Variants in LY75 observed in about 807,000 individuals in gnomAD.
LY75 encodes C-type lectin domain family 13 member B.
In LY75, 185 loss-of-function variants were observed where a neutral mutation model predicts 231.7. The observed-to-expected ratio is 0.80, with a 90% CI of 0.71 to 0.90. The LOEUF (loss-of-function observed/expected upper bound fraction) is 0.90. LY75 is among the 40% of genes least tolerant of loss of function. The pLI, the probability that LY75 is intolerant of heterozygous loss-of-function variation, is 0.00. For missense variants in LY75, 1,947 were observed against 2,050.2 expected (o/e 0.95, Z 0.97); for synonymous variants, 668 against 689.0 (o/e 0.97, Z 0.48).
At position 159,882,234 on chromosome 2, in the gene LY75, C is replaced by T; in HGVS notation, c.1136G>A (p.Ser379Asn). ...NGFCYLLVNE[S>N]NSWDKAHAKC... ...CGCATGTGCCTTATCCCAGGAATTA[C>T]TTTCATTTACCAGCAGATAGCAAAA... The change falls in exon 7 of 35, where the codon AGT becomes AAT. Residue 379 changes from serine to asparagine, a missense_variant. Ser to Asn is a conservative substitution (Grantham distance 46). Transcript: ENST00000263636. 6.2e-7 allele frequency: 1 copy of T among 1,614,050 alleles called. No individual in the cohort carries two copies. The highest frequency in any genetic ancestry group is 1.1e-5 in the South Asian group (1 of 91,088).
At chr2:159,846,519 G>GA (rs1322680233) in intron 23 of LY75, among the ~76,000 whole-genome samples, 1 of 151,636 alleles carries the variant, frequency 6.6e-6, no homozygotes, top group Non-Finnish European at 1.5e-5. Context: ...CCCTGTGTCA[G>GA]AAAAAACAAC....
chr2:159,852,074 G>A, intron 21 of LY75, 127 bp downstream of exon 21: 1 of 1,349,944 alleles, frequency 7.4e-7, no homozygotes. Context: ...AGAGGGCCAG[G>A]TGGGATCCTG....
At position 159,872,153 on chromosome 2, in the gene LY75, C is replaced by T. The variant is rs905578178; in HGVS notation, c.2117+298G>A. ...ATTATACTCCCAGAAACACTCCCTCCCTCCTCTGAATTCCCAAGGCCCTTC... is the reference window on the plus strand; with the variant it reads ...ATTATACTCCCAGAAACACTCCCTCTCTCCTCTGAATTCCCAAGGCCCTTC... On this transcript the variant is annotated intron_variant, in intron 13 of 34. Coordinates refer to ENST00000263636, the MANE Select transcript of LY75 (RefSeq NM_002349.4). The T allele has an allele frequency of 2.8e-4, 65 of 232,638 alleles. 1 individual carries two copies. The highest frequency in any genetic ancestry group is 1.1e-3 in the African/African-American group (50 of 44,576). 14.4% of individuals were successfully genotyped at this position (232,638 alleles called of 1,614,324 possible).
At chr2:159,846,372 GA>G (rs1331895883) in intron 23 of LY75, among the ~76,000 whole-genome samples, 1 of 151,958 alleles carries the variant, frequency 6.6e-6, no homozygotes, top group Non-Finnish European at 1.5e-5. Flanking sequence ...AAAAAAATTA[GA>G]AAATGTAGCT....
chr2:159,904,735 C>T lies in LY75; in HGVS notation c.-53G>A. 2 of 1,364,650 alleles carry T rather than the reference C, an allele frequency of 1.5e-6. No individual in the cohort carries two copies. The highest frequency in any genetic ancestry group is 1.9e-6 in the Non-Finnish European group (2 of 1,063,982). The allele number at this position is 1,364,650 out of a possible 1,614,324, so 84.5% of individuals were successfully genotyped here. On this transcript the variant is annotated 5_prime_UTR_variant, in exon 1 of 35. Coordinates refer to ENST00000263636, the MANE Select transcript of LY75 (RefSeq NM_002349.4). Reference sequence around the variant, plus strand: ...GGTCCTCGGGCGCACGCGGCTCCCGCCCCGCCTGCTGAGCGCGGCCTGCCC... The same window carrying T: ...GGTCCTCGGGCGCACGCGGCTCCCGTCCCGCCTGCTGAGCGCGGCCTGCCC...
At chr2:159,904,139 G>A (rs1351089122) in intron 1 of LY75, among the ~76,000 whole-genome samples, 1 of 152,250 alleles carries the variant, frequency 6.6e-6, no homozygotes, top group East Asian at 1.9e-4. Flanking sequence ...GGAATCCTTG[G>A]CGCTGTGGGT....
chr2:159,853,203 T>A, intron 20 of LY75, 70 bp downstream of exon 20: 1 of 1,469,346 alleles, frequency 6.8e-7, no homozygotes, highest in Non-Finnish European at 9.3e-7. Flanking sequence ...AAAACAAGAT[T>A]AAGCTAGAAA....
At chr2:159,889,920 C>T (rs1184423252) in intron 4 of LY75, among the ~76,000 whole-genome samples, 3 of 152,068 alleles carry the variant, frequency 2.0e-5, no homozygotes, top group Admixed American at 6.5e-5. Flanking sequence ...TTTAATTATT[C>T]GCTTTTTGAA....
At chr2:159,898,027 T>C (rs962724930) in intron 2 of LY75, among the ~76,000 whole-genome samples, 1 of 152,136 alleles carries the variant, frequency 6.6e-6, no homozygotes, top group Non-Finnish European at 1.5e-5. Context: ...TGAAAATAAA[T>C]AAGAAAATCC....
At chr2:159,815,027 G>A (rs1683075195) in intron 31 of LY75, among the ~76,000 whole-genome samples, 1 of 133,498 alleles carries the variant, frequency 7.5e-6, no homozygotes, top group Non-Finnish European at 1.5e-5. Context: ...TTGAGACGGA[G>A]TCTTGCTCTG....
chr2:159,814,429 G>A (rs188712635), intron 31 of LY75, among the ~76,000 whole-genome samples: 1 of 152,272 alleles, frequency 6.6e-6, no homozygotes, highest in African/African-American at 2.4e-5. Flanking sequence ...CAGGAGGATT[G>A]TTTGAGCCTA....
Position 159,856,794 on chromosome 2 carries a change from TA to T in LY75, c.2383+1567del, listed in dbSNP as rs199608407. ...TTCTCTCTTGTTAAAAAATATATAT[TA>T]AAAAAAATATATATACACCTCCACA... is the stretch of plus-strand genomic sequence containing the variant. On this transcript the variant is annotated intron_variant, in intron 16 of 34. Coordinates refer to ENST00000263636, the MANE Select transcript of LY75 (RefSeq NM_002349.4). Among the ~76,000 whole-genome samples the T allele has an allele frequency of 1.3e-3, 199 of 151,532 alleles. No individual in the cohort carries two copies. The Middle Eastern group carries it at 0.051, about 39-fold the overall frequency.
chr2:159,832,629 C>T (rs977388967), intron 27 of LY75, among the ~76,000 whole-genome samples: 3 of 152,160 alleles, frequency 2.0e-5, no homozygotes, highest in Non-Finnish European at 4.4e-5. Context: ...AAAAAGTTTG[C>T]AAACATTGGT....
chr2:159,844,565 T>A (rs1011789760), intron 23 of LY75, among the ~76,000 whole-genome samples: 1 of 152,036 alleles, frequency 6.6e-6, no homozygotes, highest in Non-Finnish European at 1.5e-5. Flanking sequence ...GCATATGTGG[T>A]GAGGCATGAA....
Position 159,860,829 on chromosome 2 carries a change from C to T in LY75, c.2260G>A (p.Ala754Thr), listed in dbSNP as rs752348136. The T allele has an allele frequency of 8.1e-6, 13 of 1,613,820 alleles. No homozygotes were observed. The highest frequency in any genetic ancestry group is 1.0e-5 in the Non-Finnish European group (12 of 1,179,878). Residue 754 changes from alanine (A) to threonine (T), a missense_variant, in exon 15 of 35, where the codon GCT becomes ACT. Transcript: ENST00000263636. ...QQDYDIRDCA[A>T]VKVFHRPWRR... The stretch of plus-strand genomic sequence containing the variant: ...TCCAGCATTGTACTGACCTTGACAG[C>T]AGCACAGTCTCTGATGTCATAATCC...
At position 159,853,727 on chromosome 2, in the gene LY75, T is replaced by C; in HGVS notation, c.2596-30A>G. On this transcript the variant is annotated intron_variant, in intron 18 of 34. Coordinates refer to ENST00000263636, the MANE Select transcript of LY75 (RefSeq NM_002349.4). The stretch of plus-strand genomic sequence containing the variant: ...AAAACAAGCCAAACATCCATCCTTA[T>C]ATGTGCTGAGCTTTCTTGAGGGTTT... The C allele has an allele frequency of 1.9e-6, 3 of 1,612,738 alleles. No individual in the cohort carries two copies. The South Asian group carries it at 3.3e-5, about 18-fold the overall frequency.
rs570826302 is a variant in LY75, at chr2:159,854,641, G to A, written c.2420-106C>T. 7.6e-5 allele frequency: 102 copies of A among 1,336,656 alleles called. No homozygotes were observed. The East Asian group carries it at 2.2e-3, about 29-fold the overall frequency. 82.8% of individuals were successfully genotyped at this position (1,336,656 alleles called of 1,614,324 possible). A position where few individuals can be genotyped will look rare whatever the true frequency, so the allele number is the denominator to read the frequency against. On this transcript the variant is annotated intron_variant, in intron 17 of 34. Coordinates refer to ENST00000263636, the MANE Select transcript of LY75 (RefSeq NM_002349.4). ...ACTATAAATAGTAATTCAGATTACC[G>A]GCCCTCTCTGGCTGGGGCAGTACTG...
Position 159,842,198 on chromosome 2 carries a change from T to TATGTATATATATATAC in LY75, c.3280+46_3280+47insGTATATATATATACAT, listed in dbSNP as rs1684055456. The TATGTATATATATATAC allele has an allele frequency of 1.9e-6, 3 of 1,569,656 alleles. No homozygotes were observed. In the African/African-American group the frequency reaches 4.6e-5, roughly 24 times the overall value. Reference sequence around the variant, plus strand: ...GACTCTCTCTCTCTCTATATATATATATGTAATAGCATAAAGTACCATAGT... The same window carrying TATGTATATATATATAC: ...GACTCTCTCTCTCTCTATATATATATATGTATATATATATACATGTAATAGCATAAAGTACCATAGT... On this transcript the variant is annotated intron_variant, in intron 24 of 34. Coordinates refer to ENST00000263636, the MANE Select transcript of LY75 (RefSeq NM_002349.4).
intron 2 of LY75, 97 bp downstream of exon 2, chr2:159,898,591 C>T: frequency 6.6e-7 from 1 of 1,521,508 alleles, no homozygotes; most frequent in South Asian, 1.3e-5. Flanking sequence ...ACTGCCCTTA[C>T]TAATGTACGA....
Sources: allele counts gnomAD v4.1 joint callset (sites outside exome capture counted in the v4.1 genomes callset), GRCh38; gene constraint gnomAD v4.1.1; transcripts MANE v1.5; gene names NCBI Gene and HGNC (gene_info 2026-07-23, HGNC 2026-07-21).